The following LHX4 variants were observed in gnomAD, a reference collection of about 807,000 sequenced individuals.
The protein encoded by LHX4 is LIM/homeobox protein Lhx4.
LHX4 carries 16 observed loss-of-function variants against 39.2 expected under a neutral mutation model. The observed-to-expected ratio is 0.41, with a 90% CI of 0.28 to 0.62. LHX4 has a LOEUF of 0.62. Ranked by LOEUF, LHX4 falls within the 20% of genes least tolerant of loss-of-function variation. The pLI is 0.33. For synonymous variants in LHX4, 206 were observed against 198.1 expected (o/e 1.04, Z -0.33); for missense variants, 439 against 511.9 (o/e 0.86, Z 1.37).
At chr1:180,256,596 C>G (rs1256949566) in intron 2 of LHX4, among the ~76,000 whole-genome samples, 1 of 152,216 alleles carries the variant, frequency 6.6e-6, no homozygotes, top group African/African-American at 2.4e-5. Context: ...GATGAGTGAC[C>G]TGCAGATGCC....
intron 1 of LHX4, among the ~76,000 whole-genome samples, chr1:180,236,266 C>T (rs1158281478): frequency 6.6e-6 from 1 of 152,176 alleles, no homozygotes; most frequent in Non-Finnish European, 1.5e-5. Context: ...TAGACAAAAA[C>T]TTGGGCCACA....
At chr1:180,261,078 C>T (rs1263358679) in intron 2 of LHX4, among the ~76,000 whole-genome samples, 3 of 151,848 alleles carry the variant, frequency 2.0e-5, no homozygotes, top group Admixed American at 1.3e-4. Context: ...CATTTCAACC[C>T]GGGACTTAAT....
At chr1:180,233,626 A>G (rs1664230808) in intron 1 of LHX4, among the ~76,000 whole-genome samples, 2 of 152,176 alleles carry the variant, frequency 1.3e-5, no homozygotes, top group South Asian at 4.1e-4. Flanking sequence ...GGCATATAGG[A>G]AGGTGGGGCG....
intron 3 of LHX4, among the ~76,000 whole-genome samples, chr1:180,269,149 G>GT (rs1218351259): frequency 6.9e-6 from 1 of 145,338 alleles, no homozygotes; most frequent in Admixed American, 6.9e-5. Context: ...GTGGGGGGGG[G>GT]GGTGGTATAT....
At chr1:180,248,689 G>A in intron 2 of LHX4, 1 of 579,482 alleles carries the variant, frequency 1.7e-6, no homozygotes, top group South Asian at 1.9e-5. Flanking sequence ...CATGGGGCAG[G>A]GGTGAGGAGC....
chr1:180,264,236 GCCA>G (rs1482828896), intron 2 of LHX4, among the ~76,000 whole-genome samples: 1 of 152,202 alleles, frequency 6.6e-6, no homozygotes, highest in Non-Finnish European at 1.5e-5. Context: ...ACAGGCGTGA[GCCA>G]CCACACCTGG....
At chr1:180,259,778 A>G (rs1440562478) in intron 2 of LHX4, among the ~76,000 whole-genome samples, 1 of 151,550 alleles carries the variant, frequency 6.6e-6, no homozygotes, top group Non-Finnish European at 1.5e-5. Context: ...TGGGTAAGGA[A>G]GGAGGGAAGC....
chr1:180,272,110 C>G (rs1423577003), intron 5 of LHX4, 104 bp downstream of exon 5: 4 of 1,015,898 alleles, frequency 3.9e-6, no homozygotes, highest in African/African-American at 1.6e-5. Flanking sequence ...TTGGCAACTC[C>G]CTCCTGAACA....
rs530135244 is a variant in LHX4 at position 180,260,125 on chromosome 1, G to A, written c.249-6267G>A. Among the ~76,000 whole-genome samples the A allele has an allele frequency of 1.3e-4, 19 of 151,838 alleles. 1 individual carries two copies. Among genetic ancestry groups the A allele is most frequent in the South Asian group, 6.2e-4 (3 of 4,828 alleles). On this transcript the variant is annotated intron_variant, in intron 2 of 5. Transcript: ENST00000263726. ...TGGAGCAGGGTGGCAGTGCAGCCAC[G>A]GGGTGAGTGCCGGGGCATTGGGCTG...
intron 1 of LHX4, among the ~76,000 whole-genome samples, chr1:180,237,240 G>C (rs1379287127): frequency 6.6e-6 from 1 of 152,016 alleles, no homozygotes; most frequent in East Asian, 1.9e-4. Flanking sequence ...GAGGGCGGTC[G>C]TGTGTCCAGC....
At chr1:180,252,247 C>T (rs753745718) in intron 2 of LHX4, among the ~76,000 whole-genome samples, 6 of 152,132 alleles carry the variant, frequency 3.9e-5, no homozygotes, top group Non-Finnish European at 8.8e-5. Flanking sequence ...GGACAGAGAC[C>T]GTGCTGGGGC....
chr1:180,256,461 T>A (rs1483532007), intron 2 of LHX4, among the ~76,000 whole-genome samples: 1 of 152,200 alleles, frequency 6.6e-6, no homozygotes, highest in Non-Finnish European at 1.5e-5. Context: ...GCACTGTGGA[T>A]GAGACAGCAG....
intron 1 of LHX4, among the ~76,000 whole-genome samples, chr1:180,245,179 C>T (rs1647340555): frequency 6.6e-6 from 1 of 152,242 alleles, no homozygotes; most frequent in Non-Finnish European, 1.5e-5. Flanking sequence ...GCTCAGCAGA[C>T]CGCAAGGGCA....
intron 2 of LHX4, among the ~76,000 whole-genome samples, chr1:180,253,843 T>A (rs1358297882): frequency 6.6e-6 from 1 of 152,188 alleles, no homozygotes; most frequent in Admixed American, 6.5e-5. Context: ...GTCTCCCCTG[T>A]ACCAGCCTTG....
intron 2 of LHX4, among the ~76,000 whole-genome samples, chr1:180,256,894 G>A (rs1277654833): frequency 1.3e-5 from 2 of 152,244 alleles, no homozygotes; most frequent in Non-Finnish European, 2.9e-5. Flanking sequence ...CCAGGCAGCT[G>A]ACTGCTCCAA....
chr1:180,238,229 GA>G (rs1553278996), intron 1 of LHX4, among the ~76,000 whole-genome samples: 3 of 152,046 alleles, frequency 2.0e-5, no homozygotes, highest in Non-Finnish European at 1.5e-5. Context: ...TGACTAAGCC[GA>G]AAAAGAACAA....
chr1:180,258,901 C>A (rs1647984693), intron 2 of LHX4, among the ~76,000 whole-genome samples: 1 of 151,902 alleles, frequency 6.6e-6, no homozygotes, highest in Non-Finnish European at 1.5e-5. Context: ...GGACGGATGC[C>A]CAAAGGTTTT....
intron 2 of LHX4, among the ~76,000 whole-genome samples, chr1:180,260,254 C>G (rs1283253374): frequency 6.6e-6 from 1 of 151,722 alleles, no homozygotes; most frequent in Non-Finnish European, 1.5e-5. Flanking sequence ...TTACCAGCGT[C>G]TCAGTGACCC....
chr1:180,256,354 T>C (rs2149259512), intron 2 of LHX4, among the ~76,000 whole-genome samples: 1 of 152,254 alleles, frequency 6.6e-6, no homozygotes, highest in South Asian at 2.1e-4. Context: ...TTAGAGCCAG[T>C]GTCTAGTTTG....
Sources: allele counts gnomAD v4.1 joint callset (sites outside exome capture counted in the v4.1 genomes callset), GRCh38; gene constraint gnomAD v4.1.1; transcripts MANE v1.5; gene names NCBI Gene and HGNC (gene_info 2026-07-23, HGNC 2026-07-21).